AHNAK2: variants seen among roughly 807,000 people sequenced by gnomAD.
The protein encoded by AHNAK2 is protein AHNAK2.
Under a neutral mutation model 30.7 loss-of-function variants are expected in AHNAK2, and 18 were observed. That is an observed-to-expected ratio of 0.59 (90% CI 0.41 to 0.87). The LOEUF (loss-of-function observed/expected upper bound fraction) is 0.87. Ranked by LOEUF, AHNAK2 falls within the 40% of genes least tolerant of loss-of-function variation. The pLI is 0.00. For missense variants in AHNAK2, 8,604 were observed against 7,373.0 expected (o/e 1.17, Z -6.11); for synonymous variants, 3,590 against 3,073.8 (o/e 1.17, Z -5.56).
chr14:104,957,186 C>T (rs979647292), intron 3 of AHNAK2, among the ~76,000 whole-genome samples: 2 of 152,220 alleles, frequency 1.3e-5, no homozygotes, highest in South Asian at 2.1e-4. Context: ...TCAGCCCATA[C>T]GCATGCTCAC....
At position 104,947,104 on chromosome 14, in the gene AHNAK2, C is replaced by G. The variant is rs372688194; in HGVS notation, c.8347G>C (p.Val2783Leu). 3.1e-6 allele frequency: 5 copies of G among 1,612,482 alleles called. No individual in the cohort carries two copies. The highest frequency in any genetic ancestry group is 4.2e-6 in the Non-Finnish European group (5 of 1,179,598). Reference sequence around the variant, plus strand: ...TCCAGCTTTGCTCTCGGGGCCTGGACGTCCACCTCCATGCTGGACAGAGAC... The same window carrying G: ...TCCAGCTTTGCTCTCGGGGCCTGGAGGTCCACCTCCATGCTGGACAGAGAC... ...KMSLSSMEVD[V>L]QAPRAKLDGA... Residue 2783 changes from valine (V) to leucine (L), a missense_variant, in exon 7 of 7, where the codon GTC becomes CTC. Transcript: ENST00000333244.
chr14:104,957,358 G>A, intron 3 of AHNAK2, 52 bp downstream of exon 3: 2 of 1,494,370 alleles, frequency 1.3e-6, no homozygotes, highest in Non-Finnish European at 1.8e-6. Flanking sequence ...CCCACACAGG[G>A]CGATGCAGGA....
chr14:104,962,395 A>C (rs1899173909), intron 1 of AHNAK2, among the ~76,000 whole-genome samples: 1 of 152,176 alleles, frequency 6.6e-6, no homozygotes, highest in Non-Finnish European at 1.5e-5. Context: ...ACAGCCCCAC[A>C]CTTACATGGC....
rs1898679480 is a variant in AHNAK2 at position 104,951,133 on chromosome 14, G to A, written c.4318C>T (p.Leu1440=). 1.9e-6 allele frequency: 2 copies of A among 1,068,302 alleles called. 1 individual carries two copies. The highest frequency in any genetic ancestry group is 4.2e-5 in the Admixed American group (2 of 47,118). The allele number at this position is 1,068,302 out of a possible 1,614,324, so 66.2% of individuals were successfully genotyped here. ...GTCACTTCCACCTTGGGGTCTTTTA[G>A]GTCCAGCTTGGGGCCCTTGATGTCT... ...EIDIKGPKLD[L]KDPKVEVTAP... The change falls in exon 7 of 7, where the codon CTA becomes TTA. Residue 1440 remains leucine, a synonymous_variant. Coordinates refer to ENST00000333244, the MANE Select transcript of AHNAK2 (RefSeq NM_138420.4).
Position 104,944,864 on chromosome 14 carries a change from G to A in AHNAK2, c.10587C>T (p.Asp3529=), listed in dbSNP as rs770365955. The change falls in exon 7 of 7, where the codon GAC becomes GAT. Residue 3529 remains aspartate (D), a synonymous_variant. Transcript: ENST00000333244. ...TDLSIQPPSA[D]LEVQAVQVDV... Reference sequence around the variant, plus strand: ...CCACTTGGACAGCCTGGACCTCCAGGTCAGCGGAAGGGGGCTGAATGCTGA... The same window carrying A: ...CCACTTGGACAGCCTGGACCTCCAGATCAGCGGAAGGGGGCTGAATGCTGA... 22 of 1,612,896 alleles carry A rather than the reference G, an allele frequency of 1.4e-5. No homozygotes were observed. In the African/African-American group the frequency reaches 2.5e-4, roughly 19 times the overall value.
rs60754080 is a variant in AHNAK2, at chr14:104,947,901, C to A, written c.7550G>T (p.Gly2517Val). The A allele has an allele frequency of 0.52, 837,918 of 1,611,554 alleles. 221,149 individuals are homozygous for A. The highest frequency in any genetic ancestry group is 0.63 in the Middle Eastern group (3,805 of 6,054). ...DVSAPKVEAD[G>V]SLSSMQGDLK... is the part of the protein sequence containing the mutation. ...GTCCCCCTGCATGGAGGAGAGGCTC[C>A]CGTCGGCCTCCACCTTCGGCGCAGA... Residue 2517 changes from glycine (G) to valine (V), a missense_variant, in exon 7 of 7, where the codon GGG becomes GTG. By Grantham distance (109) the Gly-to-Val change is moderately radical. Transcript: ENST00000333244.
intron 5 of AHNAK2, 25 bp from the exon 6 acceptor site, chr14:104,955,166 G>T: frequency 6.3e-7 from 1 of 1,585,728 alleles, no homozygotes. Context: ...AGCAGCCCCA[G>T]GGCCGGGTGT....
intron 1 of AHNAK2, among the ~76,000 whole-genome samples, chr14:104,976,749 G>A (rs561498519): frequency 6.6e-6 from 1 of 152,346 alleles, no homozygotes; most frequent in African/African-American, 2.4e-5. Flanking sequence ...GGACCCTGCA[G>A]CTTGGGAGTC....
chr14:104,938,662 G>A lies in AHNAK2; in HGVS notation c.16789C>T (p.His5597Tyr). 1 of 1,612,308 alleles carries A rather than the reference G, an allele frequency of 6.2e-7. No homozygotes were observed. The highest frequency in any genetic ancestry group is 8.5e-7 in the Non-Finnish European group (1 of 1,179,140). Residue 5597 changes from histidine to tyrosine, a missense_variant, in exon 7 of 7, where the codon CAC becomes TAC. Physicochemically the swap from His to Tyr is moderately conservative, Grantham distance 83. Transcript: ENST00000333244. ...QTLTFEVPSG[H>Y]QLADSCSDEE... is the part of the protein sequence containing the mutation. Reference sequence around the variant, plus strand: ...TCTGAACAGCTGTCTGCAAGCTGGTGGCCAGAAGGAACTTCAAATGTGAGT... The same window carrying A: ...TCTGAACAGCTGTCTGCAAGCTGGTAGCCAGAAGGAACTTCAAATGTGAGT...
In AHNAK2 at chr14:104,945,038, G is replaced by A. The variant is rs1343965335; in HGVS notation, c.10413C>T (p.Ser3471=). 9 of 1,613,118 alleles carry A rather than the reference G, an allele frequency of 5.6e-6. No homozygotes were observed. The highest frequency in any genetic ancestry group is 1.3e-5 in the African/African-American group (1 of 74,666). Residue 3471 remains serine, a synonymous_variant, in exon 7 of 7, where the codon AGC becomes AGT. Coordinates refer to ENST00000333244, the MANE Select transcript of AHNAK2 (RefSeq NM_138420.4). ...TCTTGAACTTGGGCATTTTGAACTTGCTGTCTTTGGCAGTCACATCCTTTT... is the reference window on the plus strand; with the variant it reads ...TCTTGAACTTGGGCATTTTGAACTTACTGTCTTTGGCAGTCACATCCTTTT... ...LAEKDVTAKD[S]KFKMPKFKMP... is the part of the protein sequence containing the mutation.
chr14:104,959,060 C>A (rs1209776217), intron 1 of AHNAK2, among the ~76,000 whole-genome samples: 4 of 152,184 alleles, frequency 2.6e-5, no homozygotes, highest in Admixed American at 2.6e-4. Context: ...ATAGTCTGGG[C>A]ATGCTGGCTT....
rs1160915339 is a variant in AHNAK2 at position 104,940,596 on chromosome 14, G to A, written c.14855C>T (p.Pro4952Leu). 7 of 1,613,644 alleles carry A rather than the reference G, an allele frequency of 4.3e-6. No individual in the cohort carries two copies. Among genetic ancestry groups the A allele is most frequent in the Non-Finnish European group, 5.9e-6 (7 of 1,179,860 alleles). The change falls in exon 7 of 7, where the codon CCC (proline) becomes CTC (leucine). Residue 4952 changes from proline to leucine, a missense_variant. Physicochemically the swap from Pro to Leu is moderately conservative, Grantham distance 98. Coordinates refer to ENST00000333244, the MANE Select transcript of AHNAK2 (RefSeq NM_138420.4). This position sits in a 1 kb window ranked among gnomAD's most constrained non-coding sequence, Gnocchi z 4.4. ...AAGCTTAATCTTAGGCATTTTCAAG[G>A]GACTCCCTTTCCCTTCGTGGTCAGC... ...EDADHEGKGS[P>L]LKMPKIKLPS...
At chr14:104,956,172 GTGCCCT>G (rs1374022998) in intron 4 of AHNAK2, among the ~76,000 whole-genome samples, 2 of 152,234 alleles carry the variant, frequency 1.3e-5, no homozygotes, top group Non-Finnish European at 2.9e-5. Flanking sequence ...AAGAGGCAGA[GTGCCCT>G]CATCATTGGG....
Position 104,938,227 on chromosome 14 carries a change from G to C in AHNAK2, c.17224C>G (p.Pro5742Ala), listed in dbSNP as rs1284655211. Residue 5742 changes from proline (P) to alanine (A), a missense_variant, in exon 7 of 7, where the codon CCT (proline) becomes GCT (alanine). Physicochemically the swap from Pro to Ala is conservative, Grantham distance 27 (BLOSUM62 -1). Transcript: ENST00000333244. ...TFFDARESFS[P>A]EEKEEGELIG... ...AGTTCACCCTCTTCCTTCTCTTCAG[G>C]GGAGAAACTTTCTCGGGCATCAAAA... is the stretch of plus-strand genomic sequence containing the variant. 6 of 1,613,614 alleles carry C rather than the reference G, an allele frequency of 3.7e-6. No homozygotes were observed. In the African/African-American group the frequency reaches 8.0e-5, roughly 22 times the overall value.
chr14:104,944,772 T>G lies in AHNAK2; in HGVS notation c.10679A>C (p.Glu3560Ala). 6.2e-7 allele frequency: 1 copy of G among 1,612,682 alleles called. No homozygotes were observed. The highest frequency in any genetic ancestry group is 1.1e-5 in the South Asian group (1 of 91,008). Residue 3560 changes from glutamate to alanine, a missense_variant, in exon 7 of 7, where the codon GAG (glutamate) becomes GCG (alanine). By Grantham distance (107) the Glu-to-Ala change is moderately radical. Transcript: ENST00000333244. Reference sequence around the variant, plus strand: ...TTTGGGCGTCTTTAAACTGGGCATCTCCACTTTGGGCAGGTGCCCTTTGAG... The same window carrying G: ...TTTGGGCGTCTTTAAACTGGGCATCGCCACTTTGGGCAGGTGCCCTTTGAG... ...AGLKGHLPKV[E>A]MPSLKTPKVD... is the part of the protein sequence containing the mutation.
chr14:104,954,934 C>G lies in AHNAK2; in HGVS notation c.651+23G>C. ...GGTAGTGAAGCCAGCTGGGGCCCTG[C>G]CCCCCGGGCATAGTGGTCTCACCTC... is the stretch of plus-strand genomic sequence containing the variant. On this transcript the variant is annotated intron_variant, in intron 6 of 6. Transcript: ENST00000333244. The surrounding 1 kb of genome is among the most constrained non-coding windows in gnomAD (Gnocchi z 4.3). The G allele has an allele frequency of 6.3e-7, 1 of 1,590,698 alleles. No individual in the cohort carries two copies. The highest frequency in any genetic ancestry group is 8.6e-7 in the Non-Finnish European group (1 of 1,167,852).
In AHNAK2 at chr14:104,939,836, C is replaced by T. The variant is rs1897925194; in HGVS notation, c.15615G>A (p.Arg5205=). 6.2e-7 allele frequency: 1 copy of T among 1,613,744 alleles called. No individual in the cohort carries two copies. The highest frequency in any genetic ancestry group is 1.3e-5 in the African/African-American group (1 of 74,944). The change falls in exon 7 of 7, where the codon AGG becomes AGA. Residue 5205 remains arginine, a synonymous_variant. Coordinates refer to ENST00000333244, the MANE Select transcript of AHNAK2 (RefSeq NM_138420.4). ...CCAGCTTTCCAGCCCCGCCTCTGTC[C>T]CTGAAAGAGCGCCTAAGGCTGGGCA... The part of the protein sequence containing the change: ...FRMPSLRRSF[R]DRGGAGKLEV...
In AHNAK2 at chr14:104,947,933, C is replaced by A; in HGVS notation, c.7518G>T (p.Val2506=). ...CCTCCACCTTCGGCGCAGACACATCCACCGAGGCCTCGATGGACTTGCCTG... is the reference window on the plus strand; with the variant it reads ...CCTCCACCTTCGGCGCAGACACATCAACCGAGGCCTCGATGGACTTGCCTG... The part of the protein sequence containing the change: ...SAPGKSIEAS[V]DVSAPKVEAD... Residue 2506 remains valine (V), a synonymous_variant, in exon 7 of 7, where the codon GTG becomes GTT. Transcript: ENST00000333244. 1 of 1,612,844 alleles carries A rather than the reference C, an allele frequency of 6.2e-7. No individual in the cohort carries two copies. The highest frequency in any genetic ancestry group is 8.5e-7 in the Non-Finnish European group (1 of 1,179,622).
At position 104,953,384 on chromosome 14, in the gene AHNAK2, G is replaced by A. The variant is rs1483572630; in HGVS notation, c.2067C>T (p.Ala689=). ...KFKMPLFGAS[A]PGKSMEASVD... is the part of the protein sequence containing the mutation. ...CCGAGGCCTCCATGGACTTGCCTGG[G>A]GCTGACGCCCCGAACAATGGCATCT... Residue 689 remains alanine (A), a synonymous_variant, in exon 7 of 7, where the codon GCC becomes GCT. Transcript: ENST00000333244. The A allele has an allele frequency of 3.7e-6, 6 of 1,613,750 alleles. No homozygotes were observed. The African/African-American group carries it at 6.7e-5, about 18-fold the overall frequency.
Sources: gnomAD v4.1 joint callset for allele counts (sites outside exome capture counted in the v4.1 genomes callset) on GRCh38, gnomAD v4.1.1 for gene constraint, Gnocchi (gnomAD v3.1) non-coding constraint, MANE v1.5 for transcripts, NCBI Gene and HGNC (gene_info 2026-07-23, HGNC 2026-07-21) for gene names.